AUTS2: variants seen among roughly 807,000 people sequenced by gnomAD.
AUTS2 encodes autism susceptibility gene 2 protein.
A neutral mutation model predicts 112.4 loss-of-function variants in AUTS2; 17 were observed. The observed-to-expected ratio is 0.15, with a 90% CI of 0.10 to 0.23. The LOEUF (loss-of-function observed/expected upper bound fraction) is 0.23. AUTS2 is among the 10% of genes least tolerant of loss of function. The pLI is 1.00. For synonymous variants in AUTS2, 751 were observed against 702.7 expected (o/e 1.07, Z -1.09); for missense variants, 1,510 against 1,701.6 (o/e 0.89, Z 1.98).
At chr7:70,356,459 A>C (rs889284504) in intron 4 of AUTS2, among the ~76,000 whole-genome samples, 1 of 152,240 alleles carries the variant, frequency 6.6e-6, no homozygotes, top group East Asian at 1.9e-4. Flanking sequence ...GAACCTAATC[A>C]TTTGAGGAGA....
At chr7:69,967,463 G>A (rs1014354005) in intron 2 of AUTS2, among the ~76,000 whole-genome samples, 2 of 152,136 alleles carry the variant, frequency 1.3e-5, no homozygotes, top group Non-Finnish European at 2.9e-5. Flanking sequence ...AGGCAGCTTG[G>A]CAAGGCAGTC....
chr7:69,904,132 G>T (rs1795068324), intron 2 of AUTS2, among the ~76,000 whole-genome samples: 2 of 152,134 alleles, frequency 1.3e-5, no homozygotes, highest in South Asian at 4.2e-4. Context: ...TGATAGTGGT[G>T]CTATAGACTT....
At chr7:70,238,561 C>A (rs1006589283) in intron 4 of AUTS2, among the ~76,000 whole-genome samples, 7 of 152,142 alleles carry the variant, frequency 4.6e-5, no homozygotes, top group African/African-American at 1.2e-4. Flanking sequence ...TCCAAGGAGT[C>A]AGATGCTTTC....
intron 4 of AUTS2, among the ~76,000 whole-genome samples, chr7:70,155,198 G>C (rs1424184682): frequency 6.6e-6 from 1 of 152,148 alleles, no homozygotes; most frequent in Non-Finnish European, 1.5e-5. Flanking sequence ...ATCATTTGGG[G>C]AGAACAGTGA....
intron 6 of AUTS2, among the ~76,000 whole-genome samples, chr7:70,760,835 G>C (rs1451299313): frequency 6.6e-6 from 1 of 152,202 alleles, no homozygotes; most frequent in Non-Finnish European, 1.5e-5. Flanking sequence ...AGAAATGTCG[G>C]AAGTCCAGAG....
intron 5 of AUTS2, among the ~76,000 whole-genome samples, chr7:70,662,502 C>A (rs757393163): frequency 6.6e-6 from 1 of 152,094 alleles, no homozygotes; most frequent in Non-Finnish European, 1.5e-5. Context: ...AGTGTTCAAG[C>A]GAGAGTTGTA....
chr7:70,592,724 T>G (rs1803007663), intron 5 of AUTS2, among the ~76,000 whole-genome samples: 1 of 152,162 alleles, frequency 6.6e-6, no homozygotes, highest in South Asian at 2.1e-4. Flanking sequence ...ATTCTACCCC[T>G]ACCCTACCCA....
At chr7:70,320,587 A>G (rs2129617730) in intron 4 of AUTS2, among the ~76,000 whole-genome samples, 1 of 152,360 alleles carries the variant, frequency 6.6e-6, no homozygotes, top group Admixed American at 6.5e-5. Flanking sequence ...ACTGGGGAAG[A>G]CAATTAGGAC....
At chr7:69,937,075 G>A (rs1796442709) in intron 2 of AUTS2, among the ~76,000 whole-genome samples, 1 of 152,142 alleles carries the variant, frequency 6.6e-6, no homozygotes, top group Non-Finnish European at 1.5e-5. Flanking sequence ...TAGGAGCTGT[G>A]TGTGATGTGG....
At chr7:70,119,904 T>A (rs145439692) in intron 3 of AUTS2, 1 of 152,326 alleles carries the variant, frequency 6.6e-6, no homozygotes, top group African/African-American at 2.4e-5. Flanking sequence ...GCAAGATGAT[T>A]CATTGAGTTC....
chr7:70,008,088 A>G (rs537578935), intron 2 of AUTS2, among the ~76,000 whole-genome samples: 1 of 152,264 alleles, frequency 6.6e-6, no homozygotes, highest in Admixed American at 6.5e-5. Flanking sequence ...CAAAATCATC[A>G]TGTGTTAAGT....
chr7:69,695,589 T>C (rs1020300773), intron 1 of AUTS2, among the ~76,000 whole-genome samples: 1 of 152,194 alleles, frequency 6.6e-6, no homozygotes, highest in African/African-American at 2.4e-5. Context: ...ACAAAATTAA[T>C]TGGGCAAATG....
At chr7:69,998,905 A>G (rs573798449) in intron 2 of AUTS2, among the ~76,000 whole-genome samples, 1 of 152,260 alleles carries the variant, frequency 6.6e-6, no homozygotes, top group Non-Finnish European at 1.5e-5. Flanking sequence ...GTAAGGGTGT[A>G]AGCTATGTGG....
chr7:69,869,963 A>G (rs1793409524), intron 1 of AUTS2, among the ~76,000 whole-genome samples: 1 of 152,314 alleles, frequency 6.6e-6, no homozygotes, highest in South Asian at 2.1e-4. Context: ...TTATCTGATT[A>G]AAAATGATTT....
intron 2 of AUTS2, among the ~76,000 whole-genome samples, chr7:70,004,317 TATATATAATATATATATGAATATATATTC>T (rs2129553347): frequency 7.4e-6 from 1 of 134,538 alleles, no homozygotes; most frequent in Non-Finnish European, 1.6e-5. Flanking sequence ...CTATATATTA[TATATATAATATATATATGAATATATATTC>T]ATATATATAT....
chr7:69,679,581 C>T (rs940512999), intron 1 of AUTS2, among the ~76,000 whole-genome samples: 5 of 152,116 alleles, frequency 3.3e-5, no homozygotes, highest in African/African-American at 1.2e-4. Flanking sequence ...AAAAAAATAA[C>T]TCTGTCTGCA....
chr7:70,086,206 A>G (rs1803589360), intron 2 of AUTS2, among the ~76,000 whole-genome samples: 1 of 152,256 alleles, frequency 6.6e-6, no homozygotes, highest in South Asian at 2.1e-4. Context: ...CTTCAAAAAG[A>G]CCTGCTGGGA....
chr7:70,438,728 C>G (rs928469715), intron 5 of AUTS2, among the ~76,000 whole-genome samples: 3 of 152,194 alleles, frequency 2.0e-5, no homozygotes, highest in South Asian at 4.1e-4. Context: ...CCTGTGCCCC[C>G]CTCGAAGCCC....
At chr7:70,310,421 TA>T (rs1789689585) in intron 4 of AUTS2, among the ~76,000 whole-genome samples, 2 of 152,084 alleles carry the variant, frequency 1.3e-5, no homozygotes, top group Non-Finnish European at 2.9e-5. Context: ...CCATCCTGGC[TA>T]ACATGGTGAA....
Sources: allele counts gnomAD v4.1 joint callset (sites outside exome capture counted in the v4.1 genomes callset), GRCh38; gene constraint gnomAD v4.1.1; transcripts MANE v1.5; gene names NCBI Gene and HGNC (gene_info 2026-07-23, HGNC 2026-07-21).